Variants in RBMS3 observed in about 807,000 individuals in gnomAD.
RBMS3 encodes RNA binding motif single stranded interacting protein 3, also known as RNA-binding motif, single-stranded-interacting protein 3.
A neutral mutation model predicts 66.8 loss-of-function variants in RBMS3; 27 were observed. That is an observed-to-expected ratio of 0.40 (90% confidence interval 0.30 to 0.56). The LOEUF (loss-of-function observed/expected upper bound fraction) is 0.56. RBMS3 is among the 20% of genes least tolerant of loss of function. RBMS3 has a pLI of 0.40. For missense variants in RBMS3, 513 were observed against 549.5 expected, an observed-to-expected ratio of 0.93 and a Z score of 0.66; for synonymous variants, 188 against 183.0, an observed-to-expected ratio of 1.03 and a Z score of -0.22.
intron 7 of RBMS3, among the ~76,000 whole-genome samples, chr3:29,870,248 C>T (rs2059457488): frequency 6.6e-6 from 1 of 152,100 alleles, no homozygotes. Flanking sequence ...GCAGATAACC[C>T]TATTGGCCTC....
rs371389849 is a variant in RBMS3 at position 30,009,319 on chromosome 3, C to T, written c.*5457C>T. 6.6e-6 allele frequency: 1 copy of T among 151,940 alleles called. No individual in the cohort carries two copies. The highest frequency in any genetic ancestry group is 1.5e-5 in the Non-Finnish European group (1 of 67,938). 9.4% of individuals were successfully genotyped at this position (151,940 alleles called of 1,614,324 possible). ...ATTAGCATGTCACCTGAGGGTGGAACAAACAATTGGAAATAAAATTTGATT... is the reference window on the plus strand; with the variant it reads ...ATTAGCATGTCACCTGAGGGTGGAATAAACAATTGGAAATAAAATTTGATT... On this transcript the variant is annotated 3_prime_UTR_variant, in exon 15 of 15. Coordinates refer to ENST00000383767, the MANE Select transcript of RBMS3 (RefSeq NM_001003793.3).
chr3:29,627,702 G>T (rs1041780993), intron 4 of RBMS3, among the ~76,000 whole-genome samples: 1 of 152,130 alleles, frequency 6.6e-6, no homozygotes, highest in South Asian at 2.1e-4. Flanking sequence ...TATAGACTGT[G>T]AGTTTATCTT....
intron 4 of RBMS3, among the ~76,000 whole-genome samples, chr3:29,648,520 A>G (rs557139530): frequency 1.3e-4 from 19 of 151,956 alleles, no homozygotes; most frequent in Non-Finnish European, 2.6e-4. Context: ...CCATTCTCCT[A>G]TCTTGGCCTC....
intron 6 of RBMS3, among the ~76,000 whole-genome samples, chr3:29,799,193 T>G (rs947656176): frequency 1.3e-5 from 2 of 152,088 alleles, no homozygotes; most frequent in Non-Finnish European, 2.9e-5. Flanking sequence ...TTGAAGAAAT[T>G]TCTAACACAG....
At chr3:29,921,584 A>G (rs1390185517) in intron 10 of RBMS3, among the ~76,000 whole-genome samples, 2 of 152,156 alleles carry the variant, frequency 1.3e-5, no homozygotes, top group African/African-American at 4.8e-5. Context: ...GTGAGTTGAC[A>G]ACTGGCCTTG....
At chr3:29,928,209 T>TACACACACACAC (rs1390644340) in intron 10 of RBMS3, among the ~76,000 whole-genome samples, 1 of 102,934 alleles carries the variant, frequency 9.7e-6, no homozygotes, top group African/African-American at 3.8e-5. Flanking sequence ...TATATATATA[T>TACACACACACAC]ATACACACAC....
intron 10 of RBMS3, among the ~76,000 whole-genome samples, chr3:29,909,381 T>C (rs2060463574): frequency 6.6e-6 from 1 of 152,084 alleles, no homozygotes; most frequent in Non-Finnish European, 1.5e-5. Context: ...CAATTATAAA[T>C]AGAAAAAAAT....
At chr3:29,714,648 G>C (rs2149311686) in intron 4 of RBMS3, among the ~76,000 whole-genome samples, 1 of 152,280 alleles carries the variant, frequency 6.6e-6, no homozygotes. Context: ...CAAAGAGCAA[G>C]TGTAGTAAAT....
chr3:29,368,000 T>C (rs1399759514), intron 1 of RBMS3, among the ~76,000 whole-genome samples: 1 of 152,200 alleles, frequency 6.6e-6, no homozygotes, highest in African/African-American at 2.4e-5. Context: ...TTGCTACATC[T>C]TTCTTTTATA....
At chr3:29,573,894 C>A (rs965085894) in intron 3 of RBMS3, among the ~76,000 whole-genome samples, 1 of 152,068 alleles carries the variant, frequency 6.6e-6, no homozygotes, top group Non-Finnish European at 1.5e-5. Flanking sequence ...TTGTTGATTT[C>A]TAGTTTTATT....
chr3:29,600,911 T>A (rs146601701), intron 4 of RBMS3, among the ~76,000 whole-genome samples: 1 of 152,080 alleles, frequency 6.6e-6, no homozygotes, highest in Admixed American at 6.6e-5. Context: ...AATGTAAAAA[T>A]GACAATATCA....
At chr3:29,399,207 A>G (rs555422977) in intron 1 of RBMS3, among the ~76,000 whole-genome samples, 5 of 145,976 alleles carry the variant, frequency 3.4e-5, no homozygotes, top group South Asian at 2.2e-4. Flanking sequence ...ATGGCCCCAC[A>G]TGTGTGTGTG....
At chr3:29,402,941 A>C (rs1047015772) in intron 1 of RBMS3, among the ~76,000 whole-genome samples, 1 of 151,986 alleles carries the variant, frequency 6.6e-6, no homozygotes. Flanking sequence ...ATCATATACA[A>C]TAGTTATCTT....
chr3:29,337,960 C>G (rs2036050282), intron 1 of RBMS3, among the ~76,000 whole-genome samples: 1 of 152,086 alleles, frequency 6.6e-6, no homozygotes, highest in Non-Finnish European at 1.5e-5. Context: ...ACCTTATAAC[C>G]TTGGCTAGAA....
chr3:29,625,804 G>A (rs1025601035), intron 4 of RBMS3, among the ~76,000 whole-genome samples: 2 of 152,064 alleles, frequency 1.3e-5, no homozygotes, highest in African/African-American at 2.4e-5. Flanking sequence ...AGCTTTTTGT[G>A]ATCTATGGCC....
chr3:29,309,548 T>A (rs2034240860), intron 1 of RBMS3, among the ~76,000 whole-genome samples: 1 of 150,870 alleles, frequency 6.6e-6, no homozygotes, highest in African/African-American at 2.4e-5. Flanking sequence ...CAAACAAGAT[T>A]AAGAGGGAAA....
At chr3:29,903,894 A>T (rs2060313046) in intron 10 of RBMS3, among the ~76,000 whole-genome samples, 1 of 152,006 alleles carries the variant, frequency 6.6e-6, no homozygotes, top group South Asian at 2.1e-4. Flanking sequence ...CGTTATGATT[A>T]ATGAACCCTG....
At chr3:29,857,446 T>C (rs949690134) in intron 6 of RBMS3, among the ~76,000 whole-genome samples, 2 of 151,148 alleles carry the variant, frequency 1.3e-5, no homozygotes, top group African/African-American at 4.9e-5. Context: ...AAATCAGAGT[T>C]ACACCTGGGA....
chr3:29,288,002 A>G (rs2032504818), intron 1 of RBMS3, among the ~76,000 whole-genome samples: 3 of 151,998 alleles, frequency 2.0e-5, no homozygotes, highest in Admixed American at 2.0e-4. Context: ...TTACTCAGGG[A>G]GTATGTATTA....
Sources: allele counts gnomAD v4.1 joint callset (sites outside exome capture counted in the v4.1 genomes callset), GRCh38; gene constraint gnomAD v4.1.1; transcripts MANE v1.5; gene names NCBI Gene and HGNC (gene_info 2026-07-23, HGNC 2026-07-21).